Variants in PLCE1 observed in about 807,000 individuals in gnomAD.
PLCE1 encodes the protein phospholipase C epsilon 1.
PLCE1 carries 119 observed loss-of-function variants against 242.8 expected under a neutral mutation model. The observed-to-expected ratio is 0.49, with a 90% CI of 0.42 to 0.57. PLCE1 has a LOEUF of 0.57. Ranked by LOEUF, PLCE1 falls within the 20% of genes least tolerant of loss-of-function variation. The probability of loss-of-function intolerance (pLI) is 0.00; values close to 1 mark genes in which losing one functional copy is unlikely to be tolerated. For missense variants in PLCE1, 2,441 were observed against 2,788.8 expected (o/e 0.88, Z 2.81); for synonymous variants, 945 against 1,017.4 (o/e 0.93, Z 1.35).
chr10:94,102,053 G>A (rs1462339384), intron 2 of PLCE1, among the ~76,000 whole-genome samples: 1 of 152,134 alleles, frequency 6.6e-6, no homozygotes, highest in Non-Finnish European at 1.5e-5. Context: ...GGGCAAATGG[G>A]TTTTTTCTCC....
intron 1 of PLCE1, among the ~76,000 whole-genome samples, chr10:94,029,910 C>T (rs2061524086): frequency 6.6e-6 from 1 of 152,112 alleles, no homozygotes; most frequent in African/African-American, 2.4e-5. Context: ...CCTATAGTGC[C>T]TTGTATATCC....
intron 7 of PLCE1, 95 bp downstream of exon 7, chr10:94,236,215 C>G: frequency 1.0e-6 from 1 of 973,724 alleles, no homozygotes; most frequent in East Asian, 2.6e-5. Context: ...AGATGGACAC[C>G]TCATCAAAAC....
At chr10:94,299,895 A>C (rs2052974584) in intron 24 of PLCE1, among the ~76,000 whole-genome samples, 1 of 152,282 alleles carries the variant, frequency 6.6e-6, no homozygotes, top group Non-Finnish European at 1.5e-5. Context: ...AAAGCATTCT[A>C]CAAAGGTTAA....
rs761721215 is a variant in PLCE1, at chr10:94,304,600, A to G, written c.5577A>G (p.Leu1859=). The change falls in exon 25 of 33, where the codon CTA becomes CTG. Residue 1859 remains leucine (L), a synonymous_variant. Transcript: ENST00000371380. ...NCPMYQKFSP[L]ERDLDSMDPA... is the part of the protein sequence containing the mutation. ...CCATGTATCAGAAGTTTTCTCCACT[A>G]GAAAGAGATCTGGACAGCATGGATC... is the stretch of plus-strand genomic sequence containing the variant. The G allele has an allele frequency of 2.5e-5, 40 of 1,614,026 alleles. No individual in the cohort carries two copies. In the Admixed American group the frequency reaches 6.5e-4, roughly 26 times the overall value.
chr10:94,275,757 G>A (rs1002795522), intron 19 of PLCE1, among the ~76,000 whole-genome samples: 15 of 152,018 alleles, frequency 9.9e-5, no homozygotes, highest in African/African-American at 3.4e-4. Flanking sequence ...GATCACCTGA[G>A]CCTGGGAGGC....
chr10:94,289,063 G>C (rs563354970), intron 22 of PLCE1, among the ~76,000 whole-genome samples: 1 of 152,222 alleles, frequency 6.6e-6, no homozygotes, highest in African/African-American at 2.4e-5. Context: ...GAGGGCAAAG[G>C]GATGCATTTC....
chr10:94,202,897 G>A (rs557313461), intron 4 of PLCE1, among the ~76,000 whole-genome samples: 62 of 152,144 alleles, frequency 4.1e-4, no homozygotes, highest in African/African-American at 1.3e-3. Context: ...GTGTCCTCTC[G>A]GGTTTTTCTT....
At chr10:94,152,406 C>T (rs962673799) in intron 3 of PLCE1, among the ~76,000 whole-genome samples, 18 of 152,152 alleles carry the variant, frequency 1.2e-4, no homozygotes, top group African/African-American at 4.1e-4. Context: ...TGGAACGCTG[C>T]AAATCTATGA....
intron 3 of PLCE1, among the ~76,000 whole-genome samples, chr10:94,135,837 A>T (rs2046754089): frequency 6.6e-6 from 1 of 152,238 alleles, no homozygotes; most frequent in African/African-American, 2.4e-5. Flanking sequence ...AAGGAGTTTT[A>T]GCCATTTCTG....
chr10:94,117,043 G>A (rs1321508003), intron 2 of PLCE1, among the ~76,000 whole-genome samples: 1 of 152,156 alleles, frequency 6.6e-6, no homozygotes, highest in Non-Finnish European at 1.5e-5. Context: ...GATAAGCAAG[G>A]TTGAGTCATC....
At chr10:94,178,824 G>T (rs80162500) in intron 4 of PLCE1, among the ~76,000 whole-genome samples, 3 of 152,304 alleles carry the variant, frequency 2.0e-5, no homozygotes, top group South Asian at 4.1e-4. Context: ...TGTCCAAATA[G>T]GTTCTTTCAC....
chr10:94,251,395 A>C (rs572077810), intron 8 of PLCE1, among the ~76,000 whole-genome samples: 5 of 152,338 alleles, frequency 3.3e-5, no homozygotes, highest in Non-Finnish European at 7.3e-5. Flanking sequence ...GATCTGCAAC[A>C]AAGCAAAATC....
At chr10:94,198,749 G>C (rs1404608272) in intron 4 of PLCE1, among the ~76,000 whole-genome samples, 1 of 152,142 alleles carries the variant, frequency 6.6e-6, no homozygotes, top group Non-Finnish European at 1.5e-5. Flanking sequence ...TTAGAATGAT[G>C]GATTAGAAAT....
chr10:94,066,235 G>A (rs1191989061), intron 2 of PLCE1, among the ~76,000 whole-genome samples: 3 of 152,126 alleles, frequency 2.0e-5, no homozygotes, highest in African/African-American at 7.2e-5. Flanking sequence ...TCTAACAAAA[G>A]CAAATAAAAG....
chr10:94,015,372 A>G lies in PLCE1; in HGVS notation c.-364-15311A>G, dbSNP rs146425010. Among the ~76,000 whole-genome samples the G allele has an allele frequency of 6.4e-4, 97 of 152,362 alleles. No individual in the cohort carries two copies. The East Asian group carries it at 0.016, about 25-fold the overall frequency. On this transcript the variant is annotated intron_variant, in intron 1 of 32. Coordinates refer to ENST00000371380, the MANE Select transcript of PLCE1 (RefSeq NM_016341.4). ...AAATGCCAGTAGCAACTGAGAGGGT[A>G]GAATGCTTTTCTTGAAAAATCTTTT...
chr10:94,262,753 T>C (rs770053431), intron 14 of PLCE1, 21 bp downstream of exon 14: 2 of 1,449,858 alleles, frequency 1.4e-6, no homozygotes, highest in Non-Finnish European at 9.7e-7. Flanking sequence ...GTTTTGTGTG[T>C]GCATGTGTGT....
chr10:94,157,347 A>C (rs1339697102), intron 3 of PLCE1, among the ~76,000 whole-genome samples: 1 of 152,196 alleles, frequency 6.6e-6, no homozygotes, highest in Non-Finnish European at 1.5e-5. Flanking sequence ...TAAACATTAC[A>C]TGCTTTTTCT....
chr10:94,152,082 C>A (rs1248904347), intron 3 of PLCE1, among the ~76,000 whole-genome samples: 2 of 152,142 alleles, frequency 1.3e-5, no homozygotes, highest in African/African-American at 4.8e-5. Context: ...CTAGGAAAAA[C>A]TCTCTGGATG....
At chr10:94,170,849 A>G (rs1249276271) in intron 3 of PLCE1, among the ~76,000 whole-genome samples, 1 of 152,180 alleles carries the variant, frequency 6.6e-6, no homozygotes, top group African/African-American at 2.4e-5. Context: ...GGTAGTTAGC[A>G]AAGGAGGATA....
Sources: allele counts gnomAD v4.1 joint callset (sites outside exome capture counted in the v4.1 genomes callset), GRCh38; gene constraint gnomAD v4.1.1; transcripts MANE v1.5; gene names NCBI Gene and HGNC (gene_info 2026-07-23, HGNC 2026-07-21).